Variants in SOX5 observed in about 807,000 individuals in gnomAD.
SOX5 encodes the protein transcription factor SOX-5.
A neutral mutation model predicts 92.0 loss-of-function variants in SOX5; 9 were observed. The observed-to-expected ratio is 0.10, with a 90% CI of 0.06 to 0.17. The LOEUF is 0.17. SOX5 is among the 10% of genes least tolerant of loss of function. The pLI is 1.00. For missense variants in SOX5, 642 were observed against 944.5 expected (o/e 0.68, Z 4.20); for synonymous variants, 344 against 336.3 (o/e 1.02, Z -0.25).
chr12:23,904,576 GAATA>G (rs541488695), intron 1 of SOX5, among the ~76,000 whole-genome samples: 47 of 152,006 alleles, frequency 3.1e-4, no homozygotes, highest in Non-Finnish European at 6.6e-4. Flanking sequence ...ATTTACTTAT[GAATA>G]AATTAATATT....
At chr12:23,716,291 GA>G (rs913498888) in intron 6 of SOX5, among the ~76,000 whole-genome samples, 20 of 151,948 alleles carry the variant, frequency 1.3e-4, no homozygotes, top group African/African-American at 3.9e-4. Flanking sequence ...CAGAGGAAAA[GA>G]AAAAAAGAGA....
intron 3 of SOX5, among the ~76,000 whole-genome samples, chr12:23,838,790 A>G (rs2135839230): frequency 7.5e-6 from 1 of 134,146 alleles, no homozygotes; most frequent in African/African-American, 2.9e-5. Context: ...TTTATACCCA[A>G]GTTGTTCTTA....
chr12:24,170,006 C>T (rs1432026184), intron 4 of SOX5, among the ~76,000 whole-genome samples: 1 of 150,560 alleles, frequency 6.6e-6, no homozygotes, highest in African/African-American at 2.5e-5. Flanking sequence ...AGCTAATAAA[C>T]TAAGTGTAAG....
intron 3 of SOX5, among the ~76,000 whole-genome samples, chr12:23,816,241 G>A (rs1005843208): frequency 1.2e-4 from 18 of 148,678 alleles, no homozygotes; most frequent in African/African-American, 1.5e-4. Flanking sequence ...ATGGAGTCTC[G>A]GTCTGTCGCC....
At chr12:23,912,514 G>A (rs1460175177) in intron 1 of SOX5, among the ~76,000 whole-genome samples, 1 of 152,118 alleles carries the variant, frequency 6.6e-6, no homozygotes, top group Non-Finnish European at 1.5e-5. Context: ...GAAAACATAT[G>A]TCCATGCAAA....
rs1213157278 is a variant in SOX5, at chr12:24,393,364, A to G, written c.-250-24725T>C. 6.6e-6 allele frequency among the ~76,000 whole-genome samples: 1 copy of G among 152,194 alleles called. No homozygotes were observed. The highest frequency in any genetic ancestry group is 1.5e-5 in the Non-Finnish European group (1 of 68,026). On this transcript the variant is annotated intron_variant, in intron 1 of 4. Coordinates refer to the SOX5 transcript ENST00000446891. This position sits in a 1 kb window ranked among gnomAD's most constrained non-coding sequence, Gnocchi z 5.0. The stretch of plus-strand genomic sequence containing the variant: ...TGACTTTTTGGGTTGTGGTCTTGCC[A>G]TTGGGACACAATTACAGGCCAATCA...
At chr12:23,997,441 T>A (rs1196437072) in intron 4 of SOX5, among the ~76,000 whole-genome samples, 1 of 152,048 alleles carries the variant, frequency 6.6e-6, no homozygotes, top group African/African-American at 2.4e-5. Flanking sequence ...AGATAAGAAA[T>A]AGACCTGCCT....
chr12:23,612,306 T>C (rs939753004), intron 8 of SOX5, among the ~76,000 whole-genome samples: 3 of 152,216 alleles, frequency 2.0e-5, no homozygotes, highest in Non-Finnish European at 4.4e-5. Context: ...AGTCAGGTCA[T>C]TGAGATTTTT....
rs1250543636 is a variant in SOX5 at position 24,293,358 on chromosome 12, C to T, written c.-173-16046G>A. Among the ~76,000 whole-genome samples the T allele has an allele frequency of 3.9e-5, 6 of 152,190 alleles. No homozygotes were observed. In the South Asian group the frequency reaches 8.3e-4, roughly 21 times the overall value. ...AAGACAAACCTGCCTGTGGTTTTCA[C>T]CAAGGCTTTTTAATTTTTATCATCT... On this transcript the variant is annotated intron_variant, in intron 2 of 4. Coordinates refer to the SOX5 transcript ENST00000446891.
intron 1 of SOX5, among the ~76,000 whole-genome samples, chr12:24,535,768 T>G (rs184458939): frequency 1.3e-5 from 2 of 152,290 alleles, no homozygotes; most frequent in South Asian, 2.1e-4. Flanking sequence ...TCATATCAAG[T>G]GCAATAGAAC....
intron 8 of SOX5, among the ~76,000 whole-genome samples, chr12:23,605,223 T>G (rs2075095589): frequency 6.6e-6 from 1 of 152,114 alleles, no homozygotes; most frequent in Admixed American, 6.6e-5. Flanking sequence ...TTACTTATTC[T>G]TATTAAATAA....
chr12:24,315,127 A>C (rs1392897155), intron 2 of SOX5, among the ~76,000 whole-genome samples: 2 of 152,152 alleles, frequency 1.3e-5, no homozygotes, highest in African/African-American at 2.4e-5. Flanking sequence ...CTCTACCTCT[A>C]GTATTTCTCT....
chr12:23,944,551 A>G (rs1944228977), intron 1 of SOX5, among the ~76,000 whole-genome samples: 1 of 152,176 alleles, frequency 6.6e-6, no homozygotes, highest in Non-Finnish European at 1.5e-5. Flanking sequence ...AACCACTATC[A>G]GTTCCTGATC....
At chr12:24,506,330 AG>A (rs1372387972) in intron 1 of SOX5, among the ~76,000 whole-genome samples, 1 of 152,076 alleles carries the variant, frequency 6.6e-6, no homozygotes, top group Non-Finnish European at 1.5e-5. Flanking sequence ...ACAATTAACT[AG>A]AGATTAAAAA....
At chr12:23,701,902 T>C (rs996229645) in intron 6 of SOX5, among the ~76,000 whole-genome samples, 3 of 152,088 alleles carry the variant, frequency 2.0e-5, no homozygotes, top group Non-Finnish European at 4.4e-5. Context: ...TCCAAAGATA[T>C]ACCAAATTAT....
chr12:23,861,704 C>A (rs1484488128), intron 2 of SOX5, among the ~76,000 whole-genome samples: 1 of 152,062 alleles, frequency 6.6e-6, no homozygotes, highest in Non-Finnish European at 1.5e-5. Flanking sequence ...TCATGGAGCT[C>A]AATTTAAAGA....
At chr12:23,918,741 AC>A (rs2097446465) in intron 1 of SOX5, among the ~76,000 whole-genome samples, 1 of 151,412 alleles carries the variant, frequency 6.6e-6, no homozygotes, top group Admixed American at 6.6e-5. Flanking sequence ...ACGTGGTGAA[AC>A]CCCGTCTCTA....
intron 3 of SOX5, among the ~76,000 whole-genome samples, chr12:23,833,108 AT>A (rs2096356782): frequency 6.6e-6 from 1 of 152,126 alleles, no homozygotes; most frequent in Admixed American, 6.6e-5. Context: ...TATTTTCATC[AT>A]TTTGCAAACA....
chr12:23,610,505 G>C (rs1267049852), intron 8 of SOX5, among the ~76,000 whole-genome samples: 1 of 151,880 alleles, frequency 6.6e-6, no homozygotes, highest in African/African-American at 2.4e-5. Context: ...TAAAAACAAG[G>C]AACAGTAAAA....
Sources: allele counts gnomAD v4.1 joint callset (sites outside exome capture counted in the v4.1 genomes callset), GRCh38; gene constraint gnomAD v4.1.1; non-coding constraint Gnocchi (gnomAD v3.1); transcripts MANE v1.5; gene names NCBI Gene and HGNC (gene_info 2026-07-23, HGNC 2026-07-21).